The following SPRY3 variants were observed in gnomAD, a reference collection of about 807,000 sequenced individuals.
SPRY3 encodes sprouty RTK signaling antagonist 3.
In SPRY3, 15 loss-of-function variants were observed where a neutral mutation model predicts 20.2. The observed-to-expected ratio is 0.74, with a 90% CI of 0.50 to 1.14. The LOEUF (loss-of-function observed/expected upper bound fraction) is 1.14, where lower values mean the gene tolerates loss of function less well. SPRY3 is among the 50% of genes most tolerant of loss of function. The pLI is 0.00. For synonymous variants in SPRY3, 143 were observed against 136.5 expected, an observed-to-expected ratio of 1.05 and a Z score of -0.33; for missense variants, 364 against 363.9, an observed-to-expected ratio of 1.00 and a Z score of 0.00.
chrX:155,682,773 A>G (rs980901235), intron 2 of SPRY3, among the ~76,000 whole-genome samples: 4 of 112,454 alleles, frequency 3.6e-5, no homozygotes, highest in African/African-American at 1.3e-4. Context: ...TGCTATACAT[A>G]GTGATTCCAC....
chrX:155,727,296 T>G (rs1206392342), intron 2 of SPRY3, among the ~76,000 whole-genome samples: 3 of 152,170 alleles, frequency 2.0e-5, no homozygotes, highest in Non-Finnish European at 4.4e-5. Flanking sequence ...GTTGCACTTC[T>G]CGAGGAGTAT....
intron 3 of SPRY3, among the ~76,000 whole-genome samples, chrX:155,770,214 G>A (rs1440243932): frequency 6.6e-6 from 1 of 152,142 alleles, no homozygotes; most frequent in African/African-American, 2.4e-5. Flanking sequence ...TACTGTATCG[G>A]AAAGGATTTA....
At chrX:155,666,502 G>C (rs1308449696) in intron 2 of SPRY3, among the ~76,000 whole-genome samples, 1 of 110,557 alleles carries the variant, frequency 9.0e-6, no homozygotes, top group African/African-American at 3.3e-5. Flanking sequence ...AGATAATATG[G>C]GCTTAGACCA....
intron 2 of SPRY3, among the ~76,000 whole-genome samples, chrX:155,724,974 T>C (rs1372841627): frequency 6.6e-6 from 1 of 152,194 alleles, no homozygotes; most frequent in East Asian, 1.9e-4. Flanking sequence ...ACAGCTCTTA[T>C]TATTTTGAGA....
At position 155,666,801 on chromosome X, in the gene SPRY3, G is replaced by A. The variant is rs58210760; in HGVS notation, c.-282+9776G>A. Among the ~76,000 whole-genome samples, 11 of 110,778 alleles carry A rather than the reference G, an allele frequency of 9.9e-5. No individual in the cohort carries two copies. The East Asian group carries it at 3.1e-3, about 32-fold the overall frequency. ...TTTGGATGATTAAAGCCTTGGGAGT[G>A]GGTGAAATTACTTAGGAGCTAATGG... On this transcript the variant is annotated intron_variant, in intron 2 of 3. Coordinates refer to ENST00000675360, the Ensembl canonical transcript of SPRY3.
chrX:155,725,765 AG>A (rs2091093114), intron 2 of SPRY3, among the ~76,000 whole-genome samples: 1 of 152,126 alleles, frequency 6.6e-6, no homozygotes, highest in Non-Finnish European at 1.5e-5. Context: ...TTTCCAAAAA[AG>A]CAGCTCCTGG....
At chrX:155,717,042 C>T (rs2124548592) in intron 2 of SPRY3, among the ~76,000 whole-genome samples, 1 of 134,900 alleles carries the variant, frequency 7.4e-6, no homozygotes, top group East Asian at 2.2e-4. Flanking sequence ...GCCTGTATTC[C>T]CAGCTACTCG....
At chrX:155,708,485 G>T (rs1405000896) in intron 2 of SPRY3, among the ~76,000 whole-genome samples, 8 of 151,204 alleles carry the variant, frequency 5.3e-5, no homozygotes, top group Non-Finnish European at 5.9e-5. Flanking sequence ...ATGTGTCCAG[G>T]TGTGGCTGTT....
At chrX:155,641,761 T>C (rs1557351463) in intron 1 of SPRY3, among the ~76,000 whole-genome samples, 1 of 115,062 alleles carries the variant, frequency 8.7e-6, no homozygotes. Context: ...TTTTACAAAC[T>C]GTGTTTACAA....
At chrX:155,705,818 A>G (rs1444118422) in intron 2 of SPRY3, among the ~76,000 whole-genome samples, 7 of 151,398 alleles carry the variant, frequency 4.6e-5, no homozygotes, top group African/African-American at 1.2e-4. Context: ...GACATAATCC[A>G]AAAGACATAA....
At chrX:155,774,399 C>T (rs778791639) in exon 4 of SPRY3, 2 of 1,614,046 alleles carry the variant, frequency 1.2e-6, no homozygotes, top group Admixed American at 1.7e-5. Flanking sequence ...GCTGCCTTTG[C>T]TCTGCTGAGA....
intron 2 of SPRY3, among the ~76,000 whole-genome samples, chrX:155,674,236 G>T (rs990619920): frequency 2.7e-5 from 3 of 110,592 alleles, no homozygotes; most frequent in African/African-American, 9.8e-5. Context: ...CTGCCTGATC[G>T]CCATGAGTGC....
intron 2 of SPRY3, among the ~76,000 whole-genome samples, chrX:155,755,502 A>T (rs2091280581): frequency 6.6e-6 from 1 of 152,088 alleles, no homozygotes; most frequent in South Asian, 2.1e-4. Flanking sequence ...TGCCTAAAAC[A>T]TACCTTTACC....
intron 2 of SPRY3, among the ~76,000 whole-genome samples, chrX:155,742,583 A>G (rs1276666053): frequency 1.3e-5 from 2 of 152,204 alleles, no homozygotes; most frequent in Non-Finnish European, 2.9e-5. Context: ...AATTGATCAC[A>G]TAATTGTAAG....
intron 1 of SPRY3, among the ~76,000 whole-genome samples, chrX:155,633,267 A>G (rs973923697): frequency 1.9e-4 from 20 of 106,930 alleles, no homozygotes; most frequent in East Asian, 1.2e-3. Context: ...CAGGCCGGGC[A>G]CGGTGGCTCA....
chrX:155,688,794 C>CTAGCTATTAAGCCCAGCATTCAT (rs1194835579), intron 2 of SPRY3, among the ~76,000 whole-genome samples: 3 of 87,593 alleles, frequency 3.4e-5, no homozygotes, highest in African/African-American at 1.6e-4. Flanking sequence ...AACCCATCAC[C>CTAGCTATTAAGCCCAGCATTCAT]TAGCTCTTTT....
exon 3 of SPRY3, chrX:155,767,982 G>C (rs972304497): frequency 8.5e-5 from 13 of 152,080 alleles, no homozygotes; most frequent in African/African-American, 2.9e-4. Context: ...AACTATCTCT[G>C]TTTCTGGCTC....
intron 1 of SPRY3, among the ~76,000 whole-genome samples, chrX:155,656,268 C>G (rs949841195): frequency 2.7e-5 from 3 of 111,192 alleles, no homozygotes; most frequent in Non-Finnish European, 3.8e-5. Context: ...TCACATAGTC[C>G]CATATTTCTT....
chrX:155,700,807 C>T, intron 2 of SPRY3, among the ~76,000 whole-genome samples: 1 of 51,217 alleles, frequency 2.0e-5, no homozygotes, highest in South Asian at 1.2e-3. Flanking sequence ...ATTCCCCTTC[C>T]TGTGTCCATG....
Sources: gnomAD v4.1 joint callset for allele counts (sites outside exome capture counted in the v4.1 genomes callset) on GRCh38, gnomAD v4.1.1 for gene constraint, MANE v1.5 for transcripts, NCBI Gene and HGNC (gene_info 2026-07-23, HGNC 2026-07-21) for gene names.